Variants in SP100 observed in about 807,000 individuals in gnomAD.
SP100 encodes SP100 nuclear body protein.
SP100 carries 84 observed loss-of-function variants against 130.0 expected under a neutral mutation model. That is an observed-to-expected ratio of 0.65 (90% CI 0.54 to 0.77). The LOEUF is 0.77. Among genes scored for constraint, SP100 ranks in the 30% least tolerant of loss-of-function variants. The pLI, the probability that SP100 is intolerant of heterozygous loss-of-function variation, is 0.00. For synonymous variants in SP100, 331 were observed against 351.7 expected, an observed-to-expected ratio of 0.94 and a Z score of 0.66; for missense variants, 978 against 1,052.2, an observed-to-expected ratio of 0.93 and a Z score of 0.97.
intron 23 of SP100, chr2:230,508,331 T>TTTTA: frequency 3.1e-6 from 1 of 326,684 alleles, no homozygotes; most frequent in Non-Finnish European, 5.4e-6. Context: ...TTTTTTTTTT[T>TTTTA]AAGAGAAAGA....
intron 18 of SP100, 51 bp from the exon 19 acceptor site, chr2:230,498,410 A>G: frequency 8.6e-7 from 1 of 1,157,022 alleles, no homozygotes; most frequent in Non-Finnish European, 1.2e-6. Flanking sequence ...ACTATTATAT[A>G]TAATGTGAGT....
intron 9 of SP100, 56 bp from the exon 10 acceptor site, chr2:230,462,379 C>A: frequency 1.5e-6 from 2 of 1,348,558 alleles, no homozygotes; most frequent in Admixed American, 1.7e-5. Context: ...TTTCCTGGTG[C>A]ATGGACTCCT....
intron 2 of SP100, among the ~76,000 whole-genome samples, chr2:230,436,735 G>A (rs1289213782): frequency 6.6e-6 from 1 of 151,910 alleles, no homozygotes; most frequent in Non-Finnish European, 1.5e-5. Context: ...ATTTTATTAG[G>A]TCTATAGGTT....
At chr2:230,505,332 T>C (rs750769627) in intron 21 of SP100, among the ~76,000 whole-genome samples, 4 of 152,206 alleles carry the variant, frequency 2.6e-5, no homozygotes, top group Non-Finnish European at 2.9e-5. Flanking sequence ...GGGTGGAAAA[T>C]GTACACATCT....
At chr2:230,542,760 C>A in intron 28 of SP100, 76 bp from the exon 29 acceptor site, 4 of 782,480 alleles carry the variant, frequency 5.1e-6, no homozygotes, top group Non-Finnish European at 6.6e-6. Flanking sequence ...TAAAATGAGG[C>A]CCCAGATTAT....
intron 17 of SP100, among the ~76,000 whole-genome samples, chr2:230,476,449 A>T (rs1356855902): frequency 6.6e-6 from 1 of 152,182 alleles, no homozygotes; most frequent in Admixed American, 6.5e-5. Context: ...TCCTTTCATA[A>T]GATAAAACCT....
At chr2:230,493,500 A>G (rs1286108544) in intron 17 of SP100, among the ~76,000 whole-genome samples, 1 of 152,212 alleles carries the variant, frequency 6.6e-6, no homozygotes, top group Non-Finnish European at 1.5e-5. Context: ...TACAGGGGTG[A>G]GCCACTGCAA....
At chr2:230,452,818 G>GT (rs371944455) in intron 8 of SP100, among the ~76,000 whole-genome samples, 40,841 of 121,952 alleles carry the variant, frequency 0.33, 7,390 homozygotes, top group Middle Eastern at 0.47. Context: ...AGTTCTAGCA[G>GT]TTTTTTTTTT....
intron 17 of SP100, among the ~76,000 whole-genome samples, chr2:230,492,005 A>G (rs1219014643): frequency 6.6e-6 from 1 of 151,974 alleles, no homozygotes; most frequent in African/African-American, 2.4e-5. Context: ...TGTTCTAGTG[A>G]TTACTTTTAG....
intron 4 of SP100, among the ~76,000 whole-genome samples, 172 bp downstream of exon 4, chr2:230,444,518 A>G (rs1017046711): frequency 2.0e-5 from 3 of 152,162 alleles, no homozygotes; most frequent in African/African-American, 4.8e-5. Flanking sequence ...GCTATGGTAA[A>G]ACAAGTACCC....
chr2:230,514,073 T>C (rs960815931), intron 24 of SP100, among the ~76,000 whole-genome samples: 1 of 150,474 alleles, frequency 6.6e-6, no homozygotes, highest in African/African-American at 2.5e-5. Flanking sequence ...AAGAAATTAG[T>C]CCTAAGAGTA....
intron 24 of SP100, chr2:230,515,591 A>G: frequency 6.2e-7 from 1 of 1,602,568 alleles, no homozygotes; most frequent in African/African-American, 1.3e-5. Context: ...GAGGAAGAAG[A>G]TGAAGAGGAT....
chr2:230,460,273 C>A (rs2064517615), intron 8 of SP100, among the ~76,000 whole-genome samples: 1 of 151,994 alleles, frequency 6.6e-6, no homozygotes. Context: ...TGGCTTATTT[C>A]TATAATGGAA....
chr2:230,493,066 G>A (rs1204584996), intron 17 of SP100, among the ~76,000 whole-genome samples: 1 of 151,982 alleles, frequency 6.6e-6, no homozygotes, highest in East Asian at 1.9e-4. Flanking sequence ...TCTGTCACAG[G>A]GTGAAGAGAT....
chr2:230,437,921 A>G (rs1281514349), intron 2 of SP100, among the ~76,000 whole-genome samples: 1 of 152,206 alleles, frequency 6.6e-6, no homozygotes, highest in East Asian at 1.9e-4. Flanking sequence ...CAGAGCCTGT[A>G]TACTTTGTCC....
At position 230,473,326 on chromosome 2, in the gene SP100, T is replaced by C. The variant is rs779440567; in HGVS notation, c.1432T>C (p.Ser478Pro). ...CSSSLRRGSG[S>P]QPQEPENKKC... ...AATGTTTACAAATCACAATTTAGGA[T>C]CACAGCCACAAGAACCTGAAAATAA... is the stretch of plus-strand genomic sequence containing the variant. Residue 478 changes from serine to proline, a missense_variant and splice_region_variant, in exon 16 of 29, where the codon TCA becomes CCA. Transcript: ENST00000340126. 6 of 1,608,920 alleles carry C rather than the reference T, an allele frequency of 3.7e-6. No homozygotes were observed. Among genetic ancestry groups the C allele is most frequent in the Middle Eastern group, 3.3e-4 (2 of 6,070 alleles).
chr2:230,461,741 G>A (rs1288550869), intron 9 of SP100, among the ~76,000 whole-genome samples: 3 of 152,006 alleles, frequency 2.0e-5, no homozygotes, highest in Non-Finnish European at 4.4e-5. Flanking sequence ...TTGAGTCCAG[G>A]AGCTCAAGAT....
chr2:230,521,965 G>C (rs982512494), intron 24 of SP100, among the ~76,000 whole-genome samples: 1 of 152,146 alleles, frequency 6.6e-6, no homozygotes, highest in Non-Finnish European at 1.5e-5. Context: ...CCATTTGCAG[G>C]TTGAAAAAAC....
intron 2 of SP100, among the ~76,000 whole-genome samples, chr2:230,430,748 G>T (rs2063074395): frequency 6.6e-6 from 1 of 152,138 alleles, no homozygotes; most frequent in Non-Finnish European, 1.5e-5. Flanking sequence ...GGTTGCTTGG[G>T]GCCCCAAAGC....
Sources: gnomAD v4.1 joint callset for allele counts (sites outside exome capture counted in the v4.1 genomes callset) on GRCh38, gnomAD v4.1.1 for gene constraint, MANE v1.5 for transcripts, NCBI Gene and HGNC (gene_info 2026-07-23, HGNC 2026-07-21) for gene names.